The following EXOC6B variants were observed in gnomAD, a reference collection of about 807,000 sequenced individuals.
EXOC6B encodes the protein exocyst complex component 6B.
In EXOC6B, 54 loss-of-function variants were observed where a neutral mutation model predicts 113.5. The observed-to-expected ratio is 0.48, with a 90% confidence interval of 0.38 to 0.60. The LOEUF is 0.60. EXOC6B is among the 20% of genes least tolerant of loss of function. The probability of loss-of-function intolerance (pLI) is 0.00; values close to 1 mark genes in which losing one functional copy is unlikely to be tolerated. For missense variants in EXOC6B, 797 were observed against 977.5 expected (o/e 0.82, Z 2.46); for synonymous variants, 357 against 339.0 (o/e 1.05, Z -0.58).
intron 6 of EXOC6B, among the ~76,000 whole-genome samples, chr2:72,615,697 G>C (rs1671343713): frequency 6.6e-6 from 1 of 151,766 alleles, no homozygotes; most frequent in Non-Finnish European, 1.5e-5. Context: ...CACATTACTG[G>C]TTAATGGATG....
chr2:72,524,667 A>T (rs1209309499), intron 8 of EXOC6B, among the ~76,000 whole-genome samples: 1 of 152,204 alleles, frequency 6.6e-6, no homozygotes, highest in Admixed American at 6.5e-5. Flanking sequence ...TGGATACCCC[A>T]TTCTTCATAA....
chr2:72,257,291 T>A (rs1271184894), intron 20 of EXOC6B, among the ~76,000 whole-genome samples: 1 of 152,194 alleles, frequency 6.6e-6, no homozygotes, highest in Non-Finnish European at 1.5e-5. Context: ...TAGCAAAGGA[T>A]CTGTTTGACT....
intron 2 of EXOC6B, among the ~76,000 whole-genome samples, chr2:72,734,827 A>G (rs2104788782): frequency 6.6e-6 from 1 of 152,314 alleles, no homozygotes; most frequent in African/African-American, 2.4e-5. Flanking sequence ...AACCACAGGA[A>G]AAACAGATGA....
intron 17 of EXOC6B, among the ~76,000 whole-genome samples, chr2:72,467,069 CAT>C (rs1211226061): frequency 8.5e-5 from 13 of 152,160 alleles, no homozygotes. Flanking sequence ...AGATGCTACA[CAT>C]GAGATCATGC....
intron 6 of EXOC6B, among the ~76,000 whole-genome samples, chr2:72,647,680 A>G (rs754725681): frequency 3.6e-4 from 55 of 152,244 alleles, no homozygotes; most frequent in Non-Finnish European, 6.9e-4. Flanking sequence ...GAAATGGGGA[A>G]ACGATTCCCT....
intron 18 of EXOC6B, among the ~76,000 whole-genome samples, chr2:72,385,846 T>C (rs1691989533): frequency 6.6e-6 from 1 of 152,114 alleles, no homozygotes; most frequent in South Asian, 2.1e-4. Flanking sequence ...ATATTATCAA[T>C]AAGACAAAAG....
intron 18 of EXOC6B, among the ~76,000 whole-genome samples, chr2:72,458,332 G>A (rs1697379542): frequency 6.6e-6 from 1 of 152,124 alleles, no homozygotes; most frequent in African/African-American, 2.4e-5. Flanking sequence ...AGGGTTCCAT[G>A]AGGAAATTAT....
rs1467296323 is a variant in EXOC6B, at chr2:72,345,824, T to C, written c.2123-10804A>G. Among the ~76,000 whole-genome samples, 5 of 152,314 alleles carry C rather than the reference T, an allele frequency of 3.3e-5. No individual in the cohort carries two copies. The South Asian group carries it at 8.3e-4, about 25-fold the overall frequency. On this transcript the variant is annotated intron_variant, in intron 19 of 21. Transcript: ENST00000272427. ...GAAGAGTGAACCCTAATGTAAAGTA[T>C]AGACTTTGGGTAATAAGGATGTGTC...
At chr2:72,513,011 AC>A in intron 11 of EXOC6B, 120 bp downstream of exon 11, 1 of 1,143,136 alleles carries the variant, frequency 8.7e-7, no homozygotes, top group Non-Finnish European at 1.2e-6. Flanking sequence ...TCTTTGAAGG[AC>A]ATCTATAGCT....
chr2:72,230,550 C>T (rs1681554511), intron 20 of EXOC6B, among the ~76,000 whole-genome samples: 1 of 152,080 alleles, frequency 6.6e-6, no homozygotes. Flanking sequence ...AACAATGGAT[C>T]CCCTGCATTC....
chr2:72,388,678 A>G (rs917555692), intron 18 of EXOC6B, among the ~76,000 whole-genome samples: 1 of 151,966 alleles, frequency 6.6e-6, no homozygotes, highest in African/African-American at 2.4e-5. Context: ...GCAATTATGA[A>G]TTTGTCTATT....
intron 6 of EXOC6B, among the ~76,000 whole-genome samples, chr2:72,634,275 A>T (rs192481442): frequency 3.9e-5 from 6 of 152,330 alleles, no homozygotes; most frequent in Non-Finnish European, 2.9e-5. Context: ...ACATTTTGTA[A>T]GAGCTGTAAA....
chr2:72,307,521 C>T (rs1686954906), intron 20 of EXOC6B, among the ~76,000 whole-genome samples: 1 of 152,118 alleles, frequency 6.6e-6, no homozygotes, highest in Admixed American at 6.6e-5. Flanking sequence ...AATGCACTCA[C>T]CGTAAGATTT....
In EXOC6B at chr2:72,221,170, T is replaced by C. The variant is rs564077260; in HGVS notation, c.2197-36983A>G. The stretch of plus-strand genomic sequence containing the variant: ...TCCCATTTCTTTTCTGAGACTTACT[T>C]TTCCAATCTGTAAAACAAACACAAT... On this transcript the variant is annotated intron_variant, in intron 20 of 21. Transcript: ENST00000272427. Among the ~76,000 whole-genome samples, 278 of 152,312 alleles carry C rather than the reference T, an allele frequency of 1.8e-3. 3 individuals carry two copies. Among genetic ancestry groups the C allele is most frequent in the African/African-American group, 6.6e-3 (275 of 41,574 alleles).
At chr2:72,515,602 A>G in intron 8 of EXOC6B, 3 of 997,434 alleles carry the variant, frequency 3.0e-6, no homozygotes, top group Non-Finnish European at 3.6e-6. Flanking sequence ...CCCTTAGGTT[A>G]TAATCCAGCA....
At chr2:72,246,275 A>G (rs1282950956) in intron 20 of EXOC6B, among the ~76,000 whole-genome samples, 1 of 152,170 alleles carries the variant, frequency 6.6e-6, no homozygotes, top group Non-Finnish European at 1.5e-5. Context: ...CTAGGTCCCT[A>G]TAAATTATGC....
At chr2:72,213,332 T>C (rs1680313409) in intron 20 of EXOC6B, among the ~76,000 whole-genome samples, 1 of 152,146 alleles carries the variant, frequency 6.6e-6, no homozygotes, top group Non-Finnish European at 1.5e-5. Flanking sequence ...AATGAACAAA[T>C]AAAATGGTTG....
rs149026404 is a variant in EXOC6B at position 72,716,725 on chromosome 2, T to A, written c.669+1378A>T. On this transcript the variant is annotated intron_variant, in intron 6 of 21. Transcript: ENST00000272427. ...AGGCAAGTTACTTCCCTCCTCTGGG[T>A]CTTAATTTCTTCAGATAATTAAGGA... Among the ~76,000 whole-genome samples, 5 of 152,240 alleles carry A rather than the reference T, an allele frequency of 3.3e-5. No homozygotes were observed. In the East Asian group the frequency reaches 9.7e-4, roughly 29 times the overall value.
At chr2:72,577,411 T>C (rs2103837631) in intron 6 of EXOC6B, among the ~76,000 whole-genome samples, 1 of 152,182 alleles carries the variant, frequency 6.6e-6, no homozygotes, top group Middle Eastern at 3.4e-3. Flanking sequence ...AAAACTTTCA[T>C]ATTTTTAAAA....
Sources: gnomAD v4.1 joint callset for allele counts (sites outside exome capture counted in the v4.1 genomes callset) on GRCh38, gnomAD v4.1.1 for gene constraint, MANE v1.5 for transcripts, NCBI Gene and HGNC (gene_info 2026-07-23, HGNC 2026-07-21) for gene names.